The following NALF1 variants were observed in gnomAD, a reference collection of about 807,000 sequenced individuals.
The protein encoded by NALF1 is NALCN channel auxiliary factor 1.
A neutral mutation model predicts 48.4 loss-of-function variants in NALF1; 3 were observed. That is an observed-to-expected ratio of 0.06 (90% CI 0.03 to 0.16). The LOEUF (loss-of-function observed/expected upper bound fraction) is 0.16, where lower values mean the gene tolerates loss of function less well. Among genes scored for constraint, NALF1 ranks in the 10% least tolerant of loss-of-function variants. The pLI, the probability that NALF1 is intolerant of heterozygous loss-of-function variation, is 1.00. For missense variants in NALF1, 526 were observed against 571.5 expected (o/e 0.92, Z 0.81); for synonymous variants, 262 against 245.7 (o/e 1.07, Z -0.62).
chr13:107,421,932 G>A (rs565201021), intron 1 of NALF1, among the ~76,000 whole-genome samples: 51 of 152,266 alleles, frequency 3.3e-4, no homozygotes, highest in Admixed American at 7.9e-4. Flanking sequence ...GGGGATTGAG[G>A]AGCAGAGCAA....
chr13:107,338,061 C>T (rs1043332435), intron 1 of NALF1, among the ~76,000 whole-genome samples: 4 of 152,098 alleles, frequency 2.6e-5, no homozygotes, highest in South Asian at 2.1e-4. Flanking sequence ...TGTGCATTTG[C>T]GTATTTTAAC....
intron 1 of NALF1, among the ~76,000 whole-genome samples, chr13:107,558,297 A>G (rs1264885783): frequency 1.3e-5 from 2 of 151,912 alleles, no homozygotes; most frequent in Admixed American, 6.6e-5. Flanking sequence ...CTAATTGTAC[A>G]TTATTATTTA....
rs562839585 is a variant in NALF1, at chr13:107,503,308, G to T, written c.916-292553C>A. Reference sequence around the variant, plus strand: ...TAAGTTTTCAAAAAAAAATCCAGAAGGTAACAAATGATCTTTAAATTCCAA... The same window carrying T: ...TAAGTTTTCAAAAAAAAATCCAGAATGTAACAAATGATCTTTAAATTCCAA... On this transcript the variant is annotated intron_variant, in intron 1 of 2. Transcript: ENST00000375915. 2.0e-5 allele frequency among the ~76,000 whole-genome samples: 3 copies of T among 151,916 alleles called. No homozygotes were observed. The East Asian group carries it at 5.8e-4, about 29-fold the overall frequency.
chr13:107,663,152 C>T (rs3905079), intron 1 of NALF1, among the ~76,000 whole-genome samples: 65,130 of 151,862 alleles, frequency 0.43, 14,929 homozygotes, highest in East Asian at 0.66. Flanking sequence ...CTTACAGTAA[C>T]AAGACTTTGC....
intron 1 of NALF1, among the ~76,000 whole-genome samples, chr13:107,759,459 C>T (rs564395313): frequency 6.6e-6 from 1 of 152,298 alleles, no homozygotes; most frequent in South Asian, 2.1e-4. Flanking sequence ...CCACCCACCT[C>T]GCCTTCCCAC....
At chr13:107,845,891 G>A (rs1880158960) in intron 1 of NALF1, among the ~76,000 whole-genome samples, 2 of 152,104 alleles carry the variant, frequency 1.3e-5, no homozygotes, top group African/African-American at 4.8e-5. Flanking sequence ...AGGACAGCTT[G>A]AAACCTGGAA....
chr13:107,852,743 T>C (rs779429361), intron 1 of NALF1, among the ~76,000 whole-genome samples: 1 of 152,194 alleles, frequency 6.6e-6, no homozygotes, highest in Non-Finnish European at 1.5e-5. Flanking sequence ...AAAATTATTT[T>C]TCTTAAGTTT....
intron 1 of NALF1, among the ~76,000 whole-genome samples, chr13:107,689,435 T>A (rs1182514861): frequency 6.6e-6 from 1 of 152,196 alleles, no homozygotes; most frequent in African/African-American, 2.4e-5. Context: ...TGAATTTTTG[T>A]AGTTGCTTTC....
chr13:107,824,657 T>C (rs1008107508), intron 1 of NALF1, among the ~76,000 whole-genome samples: 4 of 152,320 alleles, frequency 2.6e-5, no homozygotes, highest in Non-Finnish European at 5.9e-5. Flanking sequence ...CTCAGCTCCA[T>C]TATGCATGTG....
chr13:107,495,412 A>G (rs1260224553), intron 1 of NALF1, among the ~76,000 whole-genome samples: 1 of 152,176 alleles, frequency 6.6e-6, no homozygotes. Flanking sequence ...AAAATAGTTG[A>G]TTTTTGATAT....
intron 1 of NALF1, among the ~76,000 whole-genome samples, chr13:107,745,564 C>A (rs944775446): frequency 3.9e-5 from 6 of 152,056 alleles, no homozygotes; most frequent in African/African-American, 1.4e-4. Flanking sequence ...TTACAGTGAC[C>A]TACGTTTATT....
At chr13:107,613,255 T>G (rs977157455) in intron 1 of NALF1, among the ~76,000 whole-genome samples, 1 of 152,198 alleles carries the variant, frequency 6.6e-6, no homozygotes, top group African/African-American at 2.4e-5. Context: ...AGGCAGACTG[T>G]TATATTAAGA....
chr13:107,194,008 TTATCTATCTATCTATCTATCTATC>T lies in NALF1; in HGVS notation c.1087+16552_1087+16575del, dbSNP rs71772534. ...ATCTCAACTTATATACCTATCTATC[TTATCTATCTATCTATCTATCTATC>T]TATCTATCTATCTATCTATCTATCT... On this transcript the variant is annotated intron_variant, in intron 2 of 2. Transcript: ENST00000375915. Among the ~76,000 whole-genome samples, 1,341 of 138,988 alleles carry T rather than the reference TTATCTATCTATCTATCTATCTATC, an allele frequency of 9.6e-3. 18 individuals carry two copies. Among genetic ancestry groups the T allele is most frequent in the African/African-American group, 0.034 (1,254 of 36,938 alleles). 91.2% of individuals were successfully genotyped at this position (138,988 alleles called of 152,430 possible). A position where few individuals can be genotyped will look rare whatever the true frequency, so the allele number is the denominator to read the frequency against.
chr13:107,861,778 T>C (rs1880577069), intron 1 of NALF1, among the ~76,000 whole-genome samples: 1 of 152,200 alleles, frequency 6.6e-6, no homozygotes, highest in Admixed American at 6.5e-5. Context: ...GTGAGAACTA[T>C]TTCTTTATGA....
At chr13:107,639,921 AT>A (rs1395014262) in intron 1 of NALF1, among the ~76,000 whole-genome samples, 33 of 152,294 alleles carry the variant, frequency 2.2e-4, no homozygotes, top group African/African-American at 7.9e-4. Flanking sequence ...TATTTCTTGA[AT>A]ATACAAATAT....
intron 1 of NALF1, among the ~76,000 whole-genome samples, chr13:107,683,972 T>C (rs554448042): frequency 2.0e-5 from 3 of 152,296 alleles, no homozygotes; most frequent in Middle Eastern, 3.4e-3. Flanking sequence ...ACTCTGGCAA[T>C]AGGCCAACCC....
intron 1 of NALF1, among the ~76,000 whole-genome samples, chr13:107,649,446 C>T (rs925732360): frequency 6.6e-6 from 1 of 152,102 alleles, no homozygotes; most frequent in African/African-American, 2.4e-5. Flanking sequence ...GTTGTGTTTT[C>T]TCCAGTTATA....
At chr13:107,779,097 T>C (rs993391207) in intron 1 of NALF1, among the ~76,000 whole-genome samples, 2 of 152,246 alleles carry the variant, frequency 1.3e-5, no homozygotes, top group African/African-American at 2.4e-5. Context: ...TGAATTACTG[T>C]AGAGAGATGA....
chr13:107,831,064 G>C (rs1879708687), intron 1 of NALF1, among the ~76,000 whole-genome samples: 1 of 152,182 alleles, frequency 6.6e-6, no homozygotes, highest in African/African-American at 2.4e-5. Flanking sequence ...AAGAAACTGG[G>C]ACTGAAGAGT....
Sources: allele counts gnomAD v4.1 joint callset (sites outside exome capture counted in the v4.1 genomes callset), GRCh38; gene constraint gnomAD v4.1.1; transcripts MANE v1.5; gene names NCBI Gene and HGNC (gene_info 2026-07-23, HGNC 2026-07-21).